The following SNTG2 variants were observed in gnomAD, a reference collection of about 807,000 sequenced individuals.
The protein encoded by SNTG2 is syntrophin gamma 2.
SNTG2 carries 74 observed loss-of-function variants against 70.9 expected under a neutral mutation model. That is an observed-to-expected ratio of 1.04 (90% CI 0.86 to 1.27). The LOEUF (loss-of-function observed/expected upper bound fraction) is 1.27, where lower values mean the gene tolerates loss of function less well. SNTG2 is among the 50% of genes most tolerant of loss of function. The pLI is 0.00. For synonymous variants in SNTG2, 278 were observed against 273.8 expected, an observed-to-expected ratio of 1.02 and a Z score of -0.15; for missense variants, 717 against 690.7, an observed-to-expected ratio of 1.04 and a Z score of -0.43.
At chr2:1,053,505 G>A (rs1197494359) in intron 1 of SNTG2, among the ~76,000 whole-genome samples, 1 of 109,394 alleles carries the variant, frequency 9.1e-6, no homozygotes, top group Non-Finnish European at 1.7e-5. Flanking sequence ...CAGCTAAGTT[G>A]TGTCTCCTTG....
chr2:1,332,039 C>T (rs927165760), intron 16 of SNTG2, among the ~76,000 whole-genome samples: 2 of 152,150 alleles, frequency 1.3e-5, no homozygotes, highest in Non-Finnish European at 2.9e-5. Flanking sequence ...CAAGGACATG[C>T]GCTGCAACGT....
Position 1,360,705 on chromosome 2 carries a change from C to T in SNTG2, c.1489-6638C>T, listed in dbSNP as rs1661092200. Among the ~76,000 whole-genome samples, 6 of 152,042 alleles carry T rather than the reference C, an allele frequency of 3.9e-5. No individual in the cohort carries two copies. The East Asian group carries it at 1.2e-3, about 29-fold the overall frequency. On this transcript the variant is annotated intron_variant, in intron 16 of 16. Transcript: ENST00000308624. ...TCTTTCCTTCTCACTCAGACAGAAG[C>T]AGCAAACATACGGTGTCTGATTTCA...
Position 1,277,983 on chromosome 2 carries a change from T to G in SNTG2, c.1284+10412T>G, listed in dbSNP as rs192370950. 8.7e-4 allele frequency among the ~76,000 whole-genome samples: 132 copies of G among 152,348 alleles called. 1 individual carries two copies. The highest frequency in any genetic ancestry group is 3.1e-3 in the African/African-American group (127 of 41,576). On this transcript the variant is annotated intron_variant, in intron 14 of 16. Coordinates refer to ENST00000308624, the MANE Select transcript of SNTG2 (RefSeq NM_018968.4). ...TTTCTGGTTTTCCAATGAGTAGCATTCTCTCTGACACTTCGTGGCAAGTAT... is the reference window on the plus strand; with the variant it reads ...TTTCTGGTTTTCCAATGAGTAGCATGCTCTCTGACACTTCGTGGCAAGTAT...
chr2:1,078,739 G>A (rs1664087864), intron 1 of SNTG2, among the ~76,000 whole-genome samples: 1 of 152,100 alleles, frequency 6.6e-6, no homozygotes, highest in Non-Finnish European at 1.5e-5. Flanking sequence ...CTGGAAACAG[G>A]GAGGTCTTTT....
intron 1 of SNTG2, among the ~76,000 whole-genome samples, chr2:1,065,552 G>T (rs188144138): frequency 1.1e-3 from 175 of 152,232 alleles, no homozygotes; most frequent in Non-Finnish European, 1.8e-3. Context: ...ATTATGAGAT[G>T]ATGTTTGTTA....
At position 1,244,666 on chromosome 2, in the gene SNTG2, A is replaced by T. The variant is rs1008151620; in HGVS notation, c.889-2661A>T. Among the ~76,000 whole-genome samples the T allele has an allele frequency of 2.8e-5, 4 of 140,980 alleles. No individual in the cohort carries two copies. In the Admixed American group the frequency reaches 3.0e-4, roughly 11 times the overall value. The allele number at this position is 140,980 out of a possible 152,430, so 92.5% of individuals were successfully genotyped here. A position where few individuals can be genotyped will look rare whatever the true frequency, so the allele number is the denominator to read the frequency against. On this transcript the variant is annotated intron_variant, in intron 11 of 16. Transcript: ENST00000308624. The stretch of plus-strand genomic sequence containing the variant: ...AGCCAAGATTGCACCACTGCACTCC[A>T]GCCTGGGTGACAGAGCGAGACTCCA...
intron 14 of SNTG2, among the ~76,000 whole-genome samples, chr2:1,296,952 C>T (rs1485322884): frequency 6.6e-6 from 1 of 152,238 alleles, no homozygotes; most frequent in Non-Finnish European, 1.5e-5. Context: ...TTGACACTTT[C>T]TCAAGAAAGC....
At chr2:1,118,970 C>T (rs1439684982) in intron 4 of SNTG2, among the ~76,000 whole-genome samples, 1 of 152,034 alleles carries the variant, frequency 6.6e-6, no homozygotes, top group Non-Finnish European at 1.5e-5. Flanking sequence ...CATCAAGGAT[C>T]GTTTTAATCA....
At chr2:955,443 T>C (rs1208425800) in intron 1 of SNTG2, among the ~76,000 whole-genome samples, 2 of 152,230 alleles carry the variant, frequency 1.3e-5, no homozygotes, top group Non-Finnish European at 1.5e-5. Context: ...TTCCTCTTGT[T>C]TTTATTTGGA....
intron 6 of SNTG2, among the ~76,000 whole-genome samples, chr2:1,156,288 T>C (rs1222983968): frequency 6.6e-6 from 1 of 151,980 alleles, no homozygotes; most frequent in Non-Finnish European, 1.5e-5. Context: ...CTTAGATAGA[T>C]CGAGGGCAGC....
intron 12 of SNTG2, among the ~76,000 whole-genome samples, chr2:1,255,823 T>TATATATATATAA (rs1678026232): frequency 8.2e-5 from 6 of 73,280 alleles, no homozygotes; most frequent in Admixed American, 1.9e-4. Flanking sequence ...GTTGTATGTA[T>TATATATATATAA]ATATATATAA....
At chr2:1,229,254 T>C (rs1156555587) in intron 9 of SNTG2, among the ~76,000 whole-genome samples, 1 of 152,134 alleles carries the variant, frequency 6.6e-6, no homozygotes, top group Non-Finnish European at 1.5e-5. Flanking sequence ...AGGGTGCTGA[T>C]TGGTGCGTTT....
intron 9 of SNTG2, among the ~76,000 whole-genome samples, chr2:1,234,378 T>C (rs1293762579): frequency 6.6e-6 from 1 of 152,232 alleles, no homozygotes; most frequent in African/African-American, 2.4e-5. Context: ...ACTTTCACAG[T>C]TTCTGTTCAT....
intron 9 of SNTG2, among the ~76,000 whole-genome samples, chr2:1,213,765 A>T (rs529107823): frequency 6.6e-6 from 1 of 152,362 alleles, no homozygotes; most frequent in African/African-American, 2.4e-5. Flanking sequence ...CAAACATGCA[A>T]ACCTCACAAA....
intron 9 of SNTG2, among the ~76,000 whole-genome samples, chr2:1,229,554 G>A (rs1003886351): frequency 1.6e-4 from 25 of 152,232 alleles, no homozygotes; most frequent in African/African-American, 2.2e-4. Flanking sequence ...ATCCGGCACC[G>A]GGGCTGCAGG....
At position 1,135,956 on chromosome 2, in the gene SNTG2, G is replaced by A. The variant is rs1165503246; in HGVS notation, c.326-1666G>A. Among the ~76,000 whole-genome samples, 4 of 152,124 alleles carry A rather than the reference G, an allele frequency of 2.6e-5. No individual in the cohort carries two copies. In the East Asian group the frequency reaches 7.7e-4, roughly 29 times the overall value. On this transcript the variant is annotated intron_variant, in intron 4 of 16. Transcript: ENST00000308624. ...AGCTTAGTTTCCCATGCGTCAGGTAGGTATTTGATAAAGATGGTGCTTCTT... is the reference window on the plus strand; with the variant it reads ...AGCTTAGTTTCCCATGCGTCAGGTAAGTATTTGATAAAGATGGTGCTTCTT...
chr2:1,058,371 A>T (rs1662603485), intron 1 of SNTG2, among the ~76,000 whole-genome samples: 1 of 152,262 alleles, frequency 6.6e-6, no homozygotes, highest in Admixed American at 6.5e-5. Flanking sequence ...CAGTAGTGTT[A>T]AATGAATAAA....
intron 1 of SNTG2, among the ~76,000 whole-genome samples, chr2:1,025,623 C>T (rs983903644): frequency 6.6e-6 from 1 of 152,106 alleles, no homozygotes; most frequent in African/African-American, 2.4e-5. Flanking sequence ...CTACGTCCTC[C>T]ATCTTCACAT....
At chr2:1,330,680 C>A (rs1226529543) in intron 16 of SNTG2, among the ~76,000 whole-genome samples, 2 of 152,164 alleles carry the variant, frequency 1.3e-5, no homozygotes, top group African/African-American at 4.8e-5. Flanking sequence ...TGCATGCAAA[C>A]ATATTAATTT....
Sources: allele counts gnomAD v4.1 joint callset (sites outside exome capture counted in the v4.1 genomes callset), GRCh38; gene constraint gnomAD v4.1.1; transcripts MANE v1.5; gene names NCBI Gene and HGNC (gene_info 2026-07-23, HGNC 2026-07-21).